Variants in NLRP9 observed in about 807,000 individuals in gnomAD.
The protein encoded by NLRP9 is NLR family pyrin domain containing 9.
NLRP9 carries 88 observed loss-of-function variants against 83.1 expected under a neutral mutation model. The observed-to-expected ratio is 1.06, with a 90% CI of 0.89 to 1.26. NLRP9 has a LOEUF of 1.26. Ranked by LOEUF, NLRP9 falls within the 50% of genes most tolerant of loss-of-function variation. The probability of loss-of-function intolerance (pLI) is 0.00; values close to 1 mark genes in which losing one functional copy is unlikely to be tolerated. For synonymous variants in NLRP9, 521 were observed against 447.6 expected, an observed-to-expected ratio of 1.16 and a Z score of -2.07; for missense variants, 1,308 against 1,179.3, an observed-to-expected ratio of 1.11 and a Z score of -1.60.
At chr19:55,715,509 C>G (rs951286749) in intron 5 of NLRP9, among the ~76,000 whole-genome samples, 2 of 152,102 alleles carry the variant, frequency 1.3e-5, no homozygotes, top group African/African-American at 4.8e-5. Flanking sequence ...ACATGGTGAA[C>G]TCCTGTCTCT....
Position 55,732,224 on chromosome 19 carries a change from T to C in NLRP9, c.1607A>G (p.Asp536Gly). The C allele has an allele frequency of 2.5e-6, 4 of 1,613,856 alleles. No individual in the cohort carries two copies. In the South Asian group the frequency reaches 4.4e-5, roughly 18 times the overall value. Reference sequence around the variant, plus strand: ...TTCCTGGAAAGCTATGGCTTCCCTATCAGCTTCACATTGACTTAAACTTTC... The same window carrying C: ...TTCCTGGAAAGCTATGGCTTCCCTACCAGCTTCACATTGACTTAAACTTTC... ...CLESLSQCEADREAIAFQELF... is the reference protein window; with the variant it reads ...CLESLSQCEAGREAIAFQELF... The change falls in exon 2 of 9, where the codon GAT becomes GGT. Residue 536 changes from aspartate (D) to glycine (G), a missense_variant. Physicochemically the swap from Asp to Gly is moderately conservative, Grantham distance 94 (BLOSUM62 -1). Transcript: ENST00000332836.
intron 4 of NLRP9, among the ~76,000 whole-genome samples, chr19:55,719,762 C>T (rs572728794): frequency 1.2e-4 from 18 of 152,270 alleles, no homozygotes; most frequent in Middle Eastern, 3.4e-3. Flanking sequence ...AAAATGTTCT[C>T]AGAAGCCTGT....
chr19:55,712,384 T>G, intron 7 of NLRP9, 36 bp downstream of exon 7: 2 of 1,564,258 alleles, frequency 1.3e-6, no homozygotes, highest in South Asian at 2.3e-5. Context: ...TTGAAATAGA[T>G]AAATTTTCCT....
Position 55,708,918 on chromosome 19 carries a change from G to A in NLRP9, c.2970C>T (p.Leu990=). The A allele has an allele frequency of 3.9e-6, 6 of 1,544,354 alleles. No individual in the cohort carries two copies. The highest frequency in any genetic ancestry group is 3.5e-4 in the Middle Eastern group (2 of 5,784). The change falls in exon 9 of 9, where the codon CTC becomes CTT. Residue 990 remains leucine (L), a synonymous_variant. Transcript: ENST00000332836. The stretch of plus-strand genomic sequence containing the variant: ...TACTTCAGGGTGTTCCCCATCAGAG[G>A]AGCACACCCCTGATCTTGTATTCCT... The part of the protein sequence containing the change: ...IDEEYKIRGV[L]L
Position 55,712,482 on chromosome 19 carries a change from G to C in NLRP9, c.2610C>G (p.Asp870Glu). 6.2e-7 allele frequency: 1 copy of C among 1,612,700 alleles called. No individual in the cohort carries two copies. The highest frequency in any genetic ancestry group is 8.5e-7 in the Non-Finnish European group (1 of 1,179,774). ...CTGCACATAACTGTCTGACACCAGT[G>C]TCTCCTATTTCATTATGCCCAAGTT... ...TLKLGHNEIG[D>E]TGVRQLCAAL... Residue 870 changes from aspartate to glutamate, a missense_variant, in exon 7 of 9, where the codon GAC becomes GAG. By Grantham distance (45) the Asp-to-Glu change is conservative (BLOSUM62 2). Coordinates refer to ENST00000332836, the MANE Select transcript of NLRP9 (RefSeq NM_176820.4).
chr19:55,712,594 G>A lies in NLRP9; in HGVS notation c.2502-4C>T, dbSNP rs1280662977. Reference sequence around the variant, plus strand: ...AGTAAGGAAACAGCCCATCAACCTGGGGAGGTGGAAGACACACAAATACGT... The same window carrying A: ...AGTAAGGAAACAGCCCATCAACCTGAGGAGGTGGAAGACACACAAATACGT... On this transcript the variant is annotated splice_polypyrimidine_tract_variant and splice_region_variant and intron_variant, in intron 6 of 8. Transcript: ENST00000332836. 1.2e-6 allele frequency: 2 copies of A among 1,611,632 alleles called. No individual in the cohort carries two copies. The highest frequency in any genetic ancestry group is 3.3e-5 in the Admixed American group (2 of 59,866).
In NLRP9 at chr19:55,738,004, C is replaced by T. The variant is rs899141; in HGVS notation, c.280+91G>A. 1.4e-5 allele frequency: 17 copies of T among 1,216,356 alleles called. No homozygotes were observed. In the South Asian group the frequency reaches 2.1e-4, roughly 15 times the overall value. The allele number at this position is 1,216,356 out of a possible 1,614,324, so 75.3% of individuals were successfully genotyped here. A position where few individuals can be genotyped will look rare whatever the true frequency, so the allele number is the denominator to read the frequency against. ...CACCTTGACCCACACACATTCTCAT[C>T]TGATGGAGGGGGTGGCCACTCATTT... On this transcript the variant is annotated intron_variant, in intron 1 of 8. Transcript: ENST00000332836.
At chr19:55,735,655 A>G (rs1988765224) in intron 1 of NLRP9, among the ~76,000 whole-genome samples, 4 of 151,940 alleles carry the variant, frequency 2.6e-5, no homozygotes, top group Admixed American at 2.0e-4. Context: ...ATTCATGCAC[A>G]TTTTTCATCA....
intron 8 of NLRP9, chr19:55,709,570 G>A (rs1204288252): frequency 1.3e-5 from 2 of 152,186 alleles, no homozygotes; most frequent in Non-Finnish European, 2.9e-5. Flanking sequence ...GCTATTTTCA[G>A]TTCCTTTCGT....
intron 1 of NLRP9, 35 bp from the exon 2 acceptor site, chr19:55,733,585 A>G: frequency 8.5e-7 from 1 of 1,176,800 alleles, no homozygotes; most frequent in Non-Finnish European, 1.2e-6. Flanking sequence ...AGATAGGTAA[A>G]AATGCACTCA....
intron 1 of NLRP9, among the ~76,000 whole-genome samples, chr19:55,736,921 G>A (rs549820104): frequency 6.6e-6 from 1 of 151,426 alleles, no homozygotes; most frequent in Non-Finnish European, 1.5e-5. Context: ...AAGCATGTGG[G>A]GATACGAAAT....
intron 8 of NLRP9, among the ~76,000 whole-genome samples, chr19:55,711,104 A>G (rs1046572872): frequency 6.0e-5 from 7 of 116,112 alleles, no homozygotes; most frequent in African/African-American, 3.0e-4. Flanking sequence ...AAAACAAAAC[A>G]AAACAAAAAA....
At chr19:55,718,339 T>C (rs1428154865) in intron 4 of NLRP9, among the ~76,000 whole-genome samples, 1 of 151,504 alleles carries the variant, frequency 6.6e-6, no homozygotes, top group Non-Finnish European at 1.5e-5. Context: ...GGAGGAGGAG[T>C]GAAAGAGGGA....
chr19:55,731,889 G>T (rs990410075), intron 2 of NLRP9, 110 bp downstream of exon 2: 4 of 665,258 alleles, frequency 6.0e-6, no homozygotes, highest in African/African-American at 5.5e-5. Flanking sequence ...TTCTGACTCC[G>T]ACCTCCATGC....
At chr19:55,711,371 G>A (rs761597456) in intron 8 of NLRP9, 137 of 1,225,346 alleles carry the variant, frequency 1.1e-4, no homozygotes, top group South Asian at 2.1e-4. Flanking sequence ...TCAGAACAAC[G>A]TTAACTGCTG....
chr19:55,725,855 C>T (rs1988384916), intron 3 of NLRP9, among the ~76,000 whole-genome samples: 1 of 151,946 alleles, frequency 6.6e-6, no homozygotes, highest in African/African-American at 2.4e-5. Flanking sequence ...GATGAAACCC[C>T]ATCTCTACTA....
chr19:55,738,078 C>A lies in NLRP9; in HGVS notation c.280+17G>T. The stretch of plus-strand genomic sequence containing the variant: ...AGGCTTCCCCCATGGGTCCTCGCCC[C>A]ATCATCCAGCACTTACTTCTCATCT... On this transcript the variant is annotated intron_variant, in intron 1 of 8. Coordinates refer to ENST00000332836, the MANE Select transcript of NLRP9 (RefSeq NM_176820.4). 6.2e-7 allele frequency: 1 copy of A among 1,612,982 alleles called. No individual in the cohort carries two copies. The highest frequency in any genetic ancestry group is 8.5e-7 in the Non-Finnish European group (1 of 1,179,292).
Position 55,711,604 on chromosome 19 carries a change from A to G in NLRP9, c.2843+196T>C, listed in dbSNP as rs114369550. The G allele has an allele frequency of 4.7e-3, 4,172 of 878,582 alleles. 100 individuals carry two copies. In the African/African-American group the frequency reaches 0.06, roughly 13 times the overall value. 54.4% of individuals were successfully genotyped at this position (878,582 alleles called of 1,614,324 possible). A position where few individuals can be genotyped will look rare whatever the true frequency, so the allele number is the denominator to read the frequency against. ...GAAGTGCTACTGGCAACTCATGAGA[A>G]AGGCCGAGAATGTTGCTTGACATCT... On this transcript the variant is annotated intron_variant, in intron 8 of 8. Coordinates refer to ENST00000332836, the MANE Select transcript of NLRP9 (RefSeq NM_176820.4).
intron 8 of NLRP9, among the ~76,000 whole-genome samples, chr19:55,710,043 C>T (rs1335386042): frequency 6.6e-6 from 1 of 152,120 alleles, no homozygotes; most frequent in Non-Finnish European, 1.5e-5. Flanking sequence ...CATTTAGACA[C>T]AGGAGAAGTA....
Sources: allele counts gnomAD v4.1 joint callset (sites outside exome capture counted in the v4.1 genomes callset), GRCh38; gene constraint gnomAD v4.1.1; transcripts MANE v1.5; gene names NCBI Gene and HGNC (gene_info 2026-07-23, HGNC 2026-07-21).